Variants in WAS observed in about 807,000 individuals in gnomAD.
The protein encoded by WAS is actin nucleation-promoting factor WAS.
Under a neutral mutation model 38.9 loss-of-function variants are expected in WAS, and 1 was observed. That is an observed-to-expected ratio of 0.03 (90% CI 0.01 to 0.12). WAS has a LOEUF of 0.12. Ranked by LOEUF, WAS falls within the 10% of genes least tolerant of loss-of-function variation. WAS has a pLI of 1.00. For missense variants in WAS, 311 were observed against 431.2 expected, an observed-to-expected ratio of 0.72 and a Z score of 2.47; for synonymous variants, 182 against 173.6, an observed-to-expected ratio of 1.05 and a Z score of -0.38.
rs1557006512 is a variant in WAS, at chrX:48,685,663, C to G, written c.360+30C>G. On this transcript the variant is annotated intron_variant, in intron 3 of 11. Transcript: ENST00000376701. ...GTGATCAACCAGCCCTCGGGCCTCA[C>G]TTGGGGTGTGGAGAGGAGATGGGAA... 3 of 1,177,585 alleles carry G rather than the reference C, an allele frequency of 2.5e-6. No individual in the cohort carries two copies. The South Asian group carries it at 5.6e-5, about 22-fold the overall frequency.
chrX:48,691,067 C>T, intron 11 of WAS, 40 bp from the exon 12 acceptor site: 2 of 1,194,436 alleles, frequency 1.7e-6, no homozygotes, highest in Non-Finnish European at 2.3e-6. Context: ...AAGCCCCCCA[C>T]CAACCTCCCA....
chrX:48,678,503 G>A (rs1557005428), intron 1 of WAS, among the ~76,000 whole-genome samples: 1 of 111,011 alleles, frequency 9.0e-6, no homozygotes, highest in East Asian at 2.8e-4. Flanking sequence ...GATATAAACA[G>A]GAGGTGATTC....
upstream of WAS, among the ~76,000 whole-genome samples, chrX:48,678,813 C>T (rs907534999): frequency 1.3e-4 from 14 of 110,869 alleles, no homozygotes; most frequent in Non-Finnish European, 2.3e-4. Context: ...ACTAGAAGAA[C>T]GGAGTGAAAA....
In WAS at chrX:48,688,797, C is replaced by T. The variant is rs2062428829; in HGVS notation, c.1069C>T (p.Arg357Trp). Residue 357 changes from arginine (R) to tryptophan (W), a missense_variant, in exon 10 of 12, where the codon CGG becomes TGG. By Grantham distance (101) the Arg-to-Trp change is moderately radical (BLOSUM62 -3). Coordinates refer to ENST00000376701, the MANE Select transcript of WAS (RefSeq NM_000377.3). Reference sequence around the variant, plus strand: ...GATTGCCCCACCCCCACCAACACCCCGGGGACCCCCACCCCCAGGCCGAGG... The same window carrying T: ...GATTGCCCCACCCCCACCAACACCCTGGGGACCCCCACCCCCAGGCCGAGG... The part of the protein sequence containing the change: ...LGIAPPPPTP[R>W]GPPPPGRGGP... The T allele has an allele frequency of 1.8e-6, 2 of 1,119,519 alleles. No individual in the cohort carries two copies. The highest frequency in any genetic ancestry group is 2.7e-5 in the Admixed American group (1 of 37,030). 92.3% of individuals were successfully genotyped at this position (1,119,519 alleles called of 1,213,427 possible). A position where few individuals can be genotyped will look rare whatever the true frequency, so the allele number is the denominator to read the frequency against.
chrX:48,690,231 C>A, intron 11 of WAS, among the ~76,000 whole-genome samples: 1 of 109,316 alleles, frequency 9.1e-6, no homozygotes, highest in African/African-American at 3.3e-5. Context: ...CTCAAGCGAT[C>A]CTCCCGCCTC....
rs906907298 is a variant in WAS, at chrX:48,685,726, A to T, written c.361-8A>T. The T allele has an allele frequency of 8.5e-7, 1 of 1,175,574 alleles. No homozygotes were observed. Among genetic ancestry groups the T allele is most frequent in the African/African-American group, 1.8e-5 (1 of 56,686 alleles). Reference sequence around the variant, plus strand: ...CCTGGGAGGCGGCTGACCCCAAGGTATGTGCAGGACTGCCAAGCGGGGCTG... The same window carrying T: ...CCTGGGAGGCGGCTGACCCCAAGGTTTGTGCAGGACTGCCAAGCGGGGCTG... On this transcript the variant is annotated splice_polypyrimidine_tract_variant and splice_region_variant and intron_variant, in intron 3 of 11. Coordinates refer to ENST00000376701, the MANE Select transcript of WAS (RefSeq NM_000377.3).
chrX:48,688,254 G>A (rs782595017), intron 8 of WAS, 46 bp from the exon 9 acceptor site: 4 of 1,173,943 alleles, frequency 3.4e-6, no homozygotes, highest in Non-Finnish European at 4.6e-6. Context: ...TTGTCTCCTC[G>A]CCTTATTCCT....
chrX:48,688,072 G>T lies in WAS; in HGVS notation c.753G>T (p.Gly251=). ...PSGFKHVSHV[G]WDPQNGFDVN... ...CTCCCAGGCATGTCAGCCACGTGGG[G>T]TGGGACCCCCAGAATGGATTTGACG... The change falls in exon 8 of 12, where the codon GGG becomes GGT. Residue 251 remains glycine, a synonymous_variant. Transcript: ENST00000376701. 1.7e-6 allele frequency: 2 copies of T among 1,207,599 alleles called. No homozygotes were observed. Among genetic ancestry groups the T allele is most frequent in the Non-Finnish European group, 2.2e-6 (2 of 893,430 alleles).
chrX:48,691,368 C>G lies in WAS; in HGVS notation c.*206C>G, dbSNP rs1228500737. 1.2e-5 allele frequency: 5 copies of G among 422,500 alleles called. No individual in the cohort carries two copies. Among genetic ancestry groups the G allele is most frequent in the Non-Finnish European group, 2.1e-5 (5 of 243,559 alleles). The allele number at this position is 422,500 out of a possible 1,213,427, so 34.8% of individuals were successfully genotyped here. A position where few individuals can be genotyped will look rare whatever the true frequency, so the allele number is the denominator to read the frequency against. On this transcript the variant is annotated 3_prime_UTR_variant, in exon 12 of 12. Coordinates refer to ENST00000376701, the MANE Select transcript of WAS (RefSeq NM_000377.3). ...CCTTTTTATACAAAAATTCTCAGTT[C>G]TCTTCACTCAAGGATTTTTAAAGAA...
chrX:48,685,378 C>T (rs2062415549), intron 2 of WAS, among the ~76,000 whole-genome samples, 169 bp from the exon 3 acceptor site: 1 of 111,592 alleles, frequency 9.0e-6, no homozygotes, highest in Non-Finnish European at 1.9e-5. Context: ...AGACTATACC[C>T]CACAATCCAC....
upstream of WAS, among the ~76,000 whole-genome samples, chrX:48,680,342 G>C (rs1178408517): frequency 1.8e-5 from 2 of 111,156 alleles, no homozygotes; most frequent in African/African-American, 6.6e-5. Flanking sequence ...GTTTGAACCA[G>C]AGTGATTCTA....
At chrX:48,691,049 G>T (rs2062438154) in intron 11 of WAS, 58 bp from the exon 12 acceptor site, 4 of 1,096,982 alleles carry the variant, frequency 3.6e-6, no homozygotes, top group Non-Finnish European at 5.0e-6. Flanking sequence ...CACCTCCCAG[G>T]CCCTATGAAG....
Position 48,691,360 on chromosome X carries a change from T to A in WAS, c.*198T>A. 7.0e-6 allele frequency: 3 copies of A among 431,464 alleles called. No individual in the cohort carries two copies. The highest frequency in any genetic ancestry group is 7.6e-5 in the South Asian group (2 of 26,269). 35.6% of individuals were successfully genotyped at this position (431,464 alleles called of 1,213,427 possible). A position where few individuals can be genotyped will look rare whatever the true frequency, so the allele number is the denominator to read the frequency against. On this transcript the variant is annotated 3_prime_UTR_variant, in exon 12 of 12. Transcript: ENST00000376701. ...CCCAAGGCCCTTTTTATACAAAAATTCTCAGTTCTCTTCACTCAAGGATTT... is the reference window on the plus strand; with the variant it reads ...CCCAAGGCCCTTTTTATACAAAAATACTCAGTTCTCTTCACTCAAGGATTT...
At chrX:48,687,036 A>T in intron 7 of WAS, 81 bp downstream of exon 7, 1 of 1,112,468 alleles carries the variant, frequency 9.0e-7, no homozygotes, top group Non-Finnish European at 1.2e-6. Flanking sequence ...AGTGAATGGA[A>T]GGATGGGCAG....
upstream of WAS, among the ~76,000 whole-genome samples, chrX:48,679,261 C>T (rs372262013): frequency 5.4e-5 from 6 of 110,840 alleles, no homozygotes; most frequent in South Asian, 7.6e-4. Context: ...TGGGCTCAAG[C>T]GATCCACCTA....
upstream of WAS, among the ~76,000 whole-genome samples, chrX:48,679,932 C>T: frequency 8.9e-6 from 1 of 112,073 alleles, no homozygotes; most frequent in East Asian, 2.8e-4. Flanking sequence ...ATCCAAAAAC[C>T]CTCTCTTGGG....
exon 1 of WAS, chrX:48,676,637 G>C (rs782040877): frequency 8.8e-6 from 1 of 113,471 alleles, no homozygotes; most frequent in South Asian, 3.5e-4. Context: ...GCGGTGGGCA[G>C]GAGAGAGGCC....
At chrX:48,688,597 G>A in intron 9 of WAS, 63 bp from the exon 10 acceptor site, 1 of 1,203,922 alleles carries the variant, frequency 8.3e-7, no homozygotes. Context: ...TTACAAATGA[G>A]CAAAACTGAG....
upstream of WAS, among the ~76,000 whole-genome samples, chrX:48,682,623 G>C (rs932396954): frequency 1.4e-4 from 16 of 111,997 alleles, no homozygotes; most frequent in African/African-American, 4.9e-4. Flanking sequence ...GGCTGGGCAC[G>C]GTGGCTCACG....
Sources: allele counts gnomAD v4.1 joint callset (sites outside exome capture counted in the v4.1 genomes callset), GRCh38; gene constraint gnomAD v4.1.1; transcripts MANE v1.5; gene names NCBI Gene and HGNC (gene_info 2026-07-23, HGNC 2026-07-21).